PRORP: variants seen among roughly 807,000 people sequenced by gnomAD.
The protein encoded by PRORP is mitochondrial ribonuclease P catalytic subunit.
In PRORP, 51 loss-of-function variants were observed where a neutral mutation model predicts 59.4. That is an observed-to-expected ratio of 0.86 (90% CI 0.69 to 1.08). The LOEUF is 1.08. Among genes scored for constraint, PRORP ranks in the 50% least tolerant of loss-of-function variants. PRORP has a pLI of 0.00. For synonymous variants in PRORP, 231 were observed against 245.6 expected, an observed-to-expected ratio of 0.94 and a Z score of 0.55; for missense variants, 646 against 690.3, an observed-to-expected ratio of 0.94 and a Z score of 0.72.
At chr14:35,131,766 TG>T (rs2047245696) in intron 4 of PRORP, among the ~76,000 whole-genome samples, 1 of 152,038 alleles carries the variant, frequency 6.6e-6, no homozygotes, top group African/African-American at 2.4e-5. Context: ...TGACCTCAGG[TG>T]ATTCGCCTGC....
intron 5 of PRORP, among the ~76,000 whole-genome samples, chr14:35,246,210 C>T (rs1410843346): frequency 2.0e-5 from 3 of 152,136 alleles, no homozygotes; most frequent in Non-Finnish European, 2.9e-5. Context: ...GAGTTGAACA[C>T]GCAGACTATT....
chr14:35,180,764 G>A lies in PRORP; in HGVS notation c.1262G>A (p.Arg421His), dbSNP rs756457316. Reference protein sequence around the residue: ...LNVAKMFPKVRESQLLLNVVS... With the variant: ...LNVAKMFPKVHESQLLLNVVS... ...GTTGCCAAAATGTTTCCTAAAGTTC[G>A]TGAATCTCAACTTGTAAGTATAAGT... is the stretch of plus-strand genomic sequence containing the variant. The change falls in exon 5 of 8, where the codon CGT becomes CAT. Residue 421 changes from arginine (R) to histidine (H), a missense_variant. Transcript: ENST00000534898. 10 of 1,599,956 alleles carry A rather than the reference G, an allele frequency of 6.3e-6. No individual in the cohort carries two copies. The highest frequency in any genetic ancestry group is 8.6e-6 in the Non-Finnish European group (10 of 1,168,204).
At chr14:35,225,825 T>G (rs963551165) in intron 5 of PRORP, among the ~76,000 whole-genome samples, 3 of 152,030 alleles carry the variant, frequency 2.0e-5, no homozygotes, top group Non-Finnish European at 4.4e-5. Flanking sequence ...GACAGGCAGA[T>G]TGCTTGAGCT....
In PRORP at chr14:35,277,257, C is replaced by G. The variant is rs2051308367; in HGVS notation, c.*3691C>G. The G allele has an allele frequency of 6.6e-6, 1 of 152,306 alleles. No individual in the cohort carries two copies. The highest frequency in any genetic ancestry group is 1.5e-5 in the Non-Finnish European group (1 of 68,146). 9.4% of individuals were successfully genotyped at this position (152,306 alleles called of 1,614,324 possible). On this transcript the variant is annotated 3_prime_UTR_variant, in exon 8 of 8. Transcript: ENST00000534898. ...CCCCGGTTGCTCTCAAACTCCTGAC[C>G]TCAGGTGATCCACCCACCTCAGCCT...
chr14:35,133,628 C>A (rs924281884), intron 4 of PRORP, among the ~76,000 whole-genome samples: 1 of 152,108 alleles, frequency 6.6e-6, no homozygotes, highest in African/African-American at 2.4e-5. Flanking sequence ...TTGTTTGTAC[C>A]TTTCCTTCCT....
At chr14:35,131,997 G>A (rs2047253653) in intron 4 of PRORP, among the ~76,000 whole-genome samples, 1 of 151,212 alleles carries the variant, frequency 6.6e-6, no homozygotes, top group Non-Finnish European at 1.5e-5. Flanking sequence ...CTGCCACCAC[G>A]CCTGGCTAAT....
At chr14:35,175,301 C>T (rs2048419909) in intron 4 of PRORP, among the ~76,000 whole-genome samples, 1 of 152,066 alleles carries the variant, frequency 6.6e-6, no homozygotes. Flanking sequence ...AGTTCTAGAT[C>T]CCTGAGGAAT....
At chr14:35,136,283 T>G in intron 4 of PRORP, among the ~76,000 whole-genome samples, 1 of 152,218 alleles carries the variant, frequency 6.6e-6, no homozygotes, top group Non-Finnish European at 1.5e-5. Context: ...ACTCCCTAAT[T>G]CCTTTTCTTT....
intron 5 of PRORP, among the ~76,000 whole-genome samples, chr14:35,251,895 A>G (rs2050624242): frequency 6.6e-6 from 1 of 152,232 alleles, no homozygotes; most frequent in Non-Finnish European, 1.5e-5. Flanking sequence ...AATTTTAATA[A>G]CACTGTAAGG....
intron 5 of PRORP, among the ~76,000 whole-genome samples, chr14:35,259,288 G>A (rs1303933105): frequency 6.6e-6 from 1 of 151,836 alleles, no homozygotes; most frequent in East Asian, 1.9e-4. Context: ...TTCATTGTTT[G>A]CATGCTATAT....
intron 5 of PRORP, among the ~76,000 whole-genome samples, chr14:35,203,422 G>A (rs922192186): frequency 6.6e-6 from 1 of 152,296 alleles, no homozygotes; most frequent in African/African-American, 2.4e-5. Context: ...AGCTACTTGG[G>A]AGGCTGGGGT....
At chr14:35,219,727 C>T (rs1227371759) in intron 5 of PRORP, among the ~76,000 whole-genome samples, 2 of 150,376 alleles carry the variant, frequency 1.3e-5, no homozygotes, top group African/African-American at 4.8e-5. Context: ...TCTTGTATGC[C>T]TACTTAATAT....
At chr14:35,249,691 G>T (rs1367787908) in intron 5 of PRORP, among the ~76,000 whole-genome samples, 3 of 152,132 alleles carry the variant, frequency 2.0e-5, no homozygotes, top group Non-Finnish European at 4.4e-5. Flanking sequence ...TGTAGAACTG[G>T]TATTAGAAAT....
At chr14:35,251,154 A>AT (rs2050602878) in intron 5 of PRORP, among the ~76,000 whole-genome samples, 1 of 152,208 alleles carries the variant, frequency 6.6e-6, no homozygotes, top group Non-Finnish European at 1.5e-5. Context: ...TTCACTTAGA[A>AT]TAATAGTTTC....
At chr14:35,132,222 C>T (rs1012440635) in intron 4 of PRORP, among the ~76,000 whole-genome samples, 36 of 149,558 alleles carry the variant, frequency 2.4e-4, no homozygotes, top group Middle Eastern at 3.4e-3. Flanking sequence ...CTTTGGGAGG[C>T]TGAGGTGGGT....
At chr14:35,228,492 G>A (rs988227697) in intron 5 of PRORP, among the ~76,000 whole-genome samples, 2 of 152,168 alleles carry the variant, frequency 1.3e-5, no homozygotes, top group African/African-American at 4.8e-5. Flanking sequence ...AGTGTCCGTT[G>A]TTGCCATCTT....
chr14:35,161,356 C>T (rs11626113), intron 4 of PRORP, among the ~76,000 whole-genome samples: 28,977 of 152,082 alleles, frequency 0.19, 3,316 homozygotes, highest in Non-Finnish European at 0.26. Context: ...GCGATTTGAT[C>T]GGTGAAGGGG....
At chr14:35,223,687 C>T (rs2049857823) in intron 5 of PRORP, among the ~76,000 whole-genome samples, 1 of 152,038 alleles carries the variant, frequency 6.6e-6, no homozygotes, top group Admixed American at 6.6e-5. Context: ...TCTTGAACTC[C>T]TGACCTCGTG....
At chr14:35,153,754 G>T (rs2047840837) in intron 4 of PRORP, among the ~76,000 whole-genome samples, 1 of 152,160 alleles carries the variant, frequency 6.6e-6, no homozygotes, top group Admixed American at 6.5e-5. Context: ...ACATGCCTCA[G>T]TTATCTGGAA....
Sources: gnomAD v4.1 joint callset for allele counts (sites outside exome capture counted in the v4.1 genomes callset) on GRCh38, gnomAD v4.1.1 for gene constraint, MANE v1.5 for transcripts, NCBI Gene and HGNC (gene_info 2026-07-23, HGNC 2026-07-21) for gene names.